The following SAMD4A variants were observed in gnomAD, a reference collection of about 807,000 sequenced individuals.
SAMD4A encodes the protein protein Smaug homolog 1.
In SAMD4A, 33 loss-of-function variants were observed where a neutral mutation model predicts 81.3. That is an observed-to-expected ratio of 0.41 (90% CI 0.31 to 0.54). The LOEUF (loss-of-function observed/expected upper bound fraction) is 0.54, where lower values mean the gene tolerates loss of function less well. Among genes scored for constraint, SAMD4A ranks in the 20% least tolerant of loss-of-function variants. SAMD4A has a pLI of 0.37. For synonymous variants in SAMD4A, 389 were observed against 382.1 expected, an observed-to-expected ratio of 1.02 and a Z score of -0.21; for missense variants, 854 against 951.1, an observed-to-expected ratio of 0.90 and a Z score of 1.34.
chr14:54,644,825 G>A (rs2035251374), intron 2 of SAMD4A, among the ~76,000 whole-genome samples: 1 of 152,040 alleles, frequency 6.6e-6, no homozygotes, highest in Admixed American at 6.6e-5. Context: ...AAGGACTGAG[G>A]GCAAGTCTTG....
intron 2 of SAMD4A, among the ~76,000 whole-genome samples, chr14:54,602,603 C>A (rs1015630527): frequency 2.6e-5 from 4 of 151,456 alleles, no homozygotes; most frequent in African/African-American, 7.3e-5. Context: ...GCTTTGGAGA[C>A]TTAAGACATT....
intron 2 of SAMD4A, among the ~76,000 whole-genome samples, chr14:54,692,440 T>C (rs1241298193): frequency 6.6e-6 from 1 of 152,220 alleles, no homozygotes; most frequent in Non-Finnish European, 1.5e-5. Context: ...TTGTAAAATA[T>C]TATTGCAGTT....
At chr14:54,763,857 C>A (rs755168508) in intron 7 of SAMD4A, among the ~76,000 whole-genome samples, 31 of 152,184 alleles carry the variant, frequency 2.0e-4, no homozygotes, top group Non-Finnish European at 4.1e-4. Context: ...TCCTATTTAG[C>A]ACTGACTTGA....
intron 2 of SAMD4A, among the ~76,000 whole-genome samples, chr14:54,596,728 G>A (rs1406994587): frequency 6.6e-6 from 1 of 152,222 alleles, no homozygotes; most frequent in African/African-American, 2.4e-5. Context: ...TCTCTCCTCA[G>A]GGTCCTGCTG....
At chr14:54,636,365 G>A (rs1166026330) in intron 2 of SAMD4A, among the ~76,000 whole-genome samples, 2 of 152,176 alleles carry the variant, frequency 1.3e-5, no homozygotes, top group South Asian at 2.1e-4. Flanking sequence ...TGGGGGAGTC[G>A]TGCACTGGGA....
chr14:54,565,358 T>C (rs2032899451), upstream of SAMD4A, among the ~76,000 whole-genome samples: 3 of 152,176 alleles, frequency 2.0e-5, no homozygotes, highest in Non-Finnish European at 4.4e-5. This position sits in a 1 kb window ranked among gnomAD's most constrained non-coding sequence, Gnocchi z 5.4. Flanking sequence ...CCCCGACCGG[T>C]CTCAGGAGTT....
At chr14:54,590,601 C>A (rs2033748285) in intron 2 of SAMD4A, among the ~76,000 whole-genome samples, 1 of 152,138 alleles carries the variant, frequency 6.6e-6, no homozygotes, top group Admixed American at 6.5e-5. Flanking sequence ...TGAATCCCTC[C>A]CTCTCCTCTC....
intron 2 of SAMD4A, among the ~76,000 whole-genome samples, chr14:54,650,909 C>T (rs1033844275): frequency 5.3e-5 from 8 of 152,174 alleles, no homozygotes; most frequent in Non-Finnish European, 1.2e-4. Context: ...TCATCCCTAC[C>T]GAGGTCTCCA....
intron 2 of SAMD4A, chr14:54,687,445 A>G (rs1322479449): frequency 2.4e-6 from 1 of 419,532 alleles, no homozygotes; most frequent in Non-Finnish European, 4.7e-6. Flanking sequence ...GTTTGAAATA[A>G]AAACAAACAA....
rs528778603 is a variant in SAMD4A, at chr14:54,579,089, C to T, written c.196+10977C>T. ...TATGATATTCCTTGAATGGTAAGAG[C>T]GTCTATTCTTCTTAGCATGTTCTGT... On this transcript the variant is annotated intron_variant, in intron 2 of 12. Coordinates refer to ENST00000554335, the MANE Select transcript of SAMD4A (RefSeq NM_015589.6). Among the ~76,000 whole-genome samples the T allele has an allele frequency of 7.2e-5, 11 of 152,288 alleles. No homozygotes were observed. In the East Asian group the frequency reaches 1.4e-3, roughly 19 times the overall value.
At chr14:54,713,874 C>T (rs2140822139) in intron 3 of SAMD4A, among the ~76,000 whole-genome samples, 1 of 152,196 alleles carries the variant, frequency 6.6e-6, no homozygotes, top group African/African-American at 2.4e-5. Context: ...GTTTTAAAGT[C>T]CAGTTTTTCC....
intron 2 of SAMD4A, among the ~76,000 whole-genome samples, chr14:54,633,055 A>T (rs2034942716): frequency 6.6e-6 from 1 of 152,246 alleles, no homozygotes; most frequent in Non-Finnish European, 1.5e-5. Flanking sequence ...AGCTGGATCA[A>T]ACAGCTAGGT....
intron 2 of SAMD4A, among the ~76,000 whole-genome samples, chr14:54,646,163 C>A (rs1414727404): frequency 6.6e-6 from 1 of 152,188 alleles, no homozygotes; most frequent in East Asian, 1.9e-4. Context: ...GGCCCTACTT[C>A]CTAGGCGCTG....
At chr14:54,603,142 G>A (rs1008911026) in intron 2 of SAMD4A, among the ~76,000 whole-genome samples, 1 of 152,178 alleles carries the variant, frequency 6.6e-6, no homozygotes, top group Admixed American at 6.5e-5. Context: ...ACACACTGGG[G>A]CCACAAGATG....
chr14:54,677,401 A>T (rs1361662262), intron 2 of SAMD4A, among the ~76,000 whole-genome samples: 1 of 152,218 alleles, frequency 6.6e-6, no homozygotes, highest in African/African-American at 2.4e-5. Context: ...TCCTCCACGC[A>T]CATAGTATTC....
intron 12 of SAMD4A, among the ~76,000 whole-genome samples, chr14:54,786,805 T>G (rs1289364477): frequency 6.6e-6 from 1 of 152,268 alleles, no homozygotes; most frequent in African/African-American, 2.4e-5. Context: ...ACTTCGTTTT[T>G]TTCAGTCTGT....
rs2039251153 is a variant in SAMD4A, at chr14:54,791,011, G to C, written c.*2067G>C. The C allele has an allele frequency of 6.6e-6, 1 of 151,938 alleles. No homozygotes were observed. Among genetic ancestry groups the C allele is most frequent in the South Asian group, 2.1e-4 (1 of 4,822 alleles). 9.4% of individuals were successfully genotyped at this position (151,938 alleles called of 1,614,324 possible). On this transcript the variant is annotated 3_prime_UTR_variant, in exon 13 of 13. Coordinates refer to ENST00000554335, the MANE Select transcript of SAMD4A (RefSeq NM_015589.6). ...AAAAAAAGGTTCAGACCTCTCCTTG[G>C]GTGACTAAGTTCTAAAGATGCAAAT...
At chr14:54,773,960 G>C (rs1200892261) in intron 9 of SAMD4A, among the ~76,000 whole-genome samples, 1 of 152,236 alleles carries the variant, frequency 6.6e-6, no homozygotes. Context: ...ACACAGACAG[G>C]CTGAGCAGAA....
chr14:54,717,228 T>G (rs981369012), intron 3 of SAMD4A, among the ~76,000 whole-genome samples: 2 of 151,862 alleles, frequency 1.3e-5, no homozygotes, highest in Non-Finnish European at 2.9e-5. Context: ...ATTGCCTGAG[T>G]GCAGGAGTTC....
Sources: allele counts gnomAD v4.1 joint callset (sites outside exome capture counted in the v4.1 genomes callset), GRCh38; gene constraint gnomAD v4.1.1; non-coding constraint Gnocchi (gnomAD v3.1); transcripts MANE v1.5; gene names NCBI Gene and HGNC (gene_info 2026-07-23, HGNC 2026-07-21).